TUB: variants seen among roughly 807,000 people sequenced by gnomAD.
The protein encoded by TUB is tubby protein homolog.
In TUB, 33 loss-of-function variants were observed where a neutral mutation model predicts 59.7. That is an observed-to-expected ratio of 0.55 (90% CI 0.42 to 0.74). The LOEUF (loss-of-function observed/expected upper bound fraction) is 0.74, where lower values mean the gene tolerates loss of function less well. TUB is among the 30% of genes least tolerant of loss of function. The probability of loss-of-function intolerance (pLI) is 0.00; values close to 1 mark genes in which losing one functional copy is unlikely to be tolerated. For synonymous variants in TUB, 293 were observed against 256.4 expected, an observed-to-expected ratio of 1.14 and a Z score of -1.36; for missense variants, 659 against 672.0, an observed-to-expected ratio of 0.98 and a Z score of 0.21.
rs1235966751 is a variant in TUB, at chr11:8,100,595, C to T, written c.1209C>T (p.Pro403=). The change falls in exon 10 of 12, where the codon CCC becomes CCT. Residue 403 remains proline, a synonymous_variant. Coordinates refer to ENST00000299506, the MANE Select transcript of TUB (RefSeq NM_177972.3). ...NMVHERVSIR[P]RNEHETLLAR... ...TTCATGAGAGAGTCTCTATCCGCCCCCGCAACGTGAGTGTCTACCCCTTCC... is the reference window on the plus strand; with the variant it reads ...TTCATGAGAGAGTCTCTATCCGCCCTCGCAACGTGAGTGTCTACCCCTTCC... 6 of 1,613,932 alleles carry T rather than the reference C, an allele frequency of 3.7e-6. No homozygotes were observed. The Admixed American group carries it at 5.0e-5, about 13-fold the overall frequency.
intron 2 of TUB, among the ~76,000 whole-genome samples, chr11:8,073,355 G>C (rs1434571970): frequency 1.3e-5 from 2 of 152,312 alleles, no homozygotes; most frequent in East Asian, 3.9e-4. Flanking sequence ...GATTCCTCTT[G>C]TTGGAGAGAT....
At chr11:8,041,047 GGAGTCAA>G (rs1160890746) in intron 2 of TUB, among the ~76,000 whole-genome samples, 1 of 152,184 alleles carries the variant, frequency 6.6e-6, no homozygotes, top group Non-Finnish European at 1.5e-5. Flanking sequence ...TCACTGTGTG[GGAGTCAA>G]GGGGCTTCTC....
chr11:8,096,657 A>C, intron 5 of TUB, 28 bp from the exon 6 acceptor site: 1 of 1,452,628 alleles, frequency 6.9e-7, no homozygotes, highest in Non-Finnish European at 9.7e-7. Context: ...CTCCTCCTTC[A>C]TCCCTTCTTC....
chr11:8,080,200 G>C (rs148893450), upstream of TUB, among the ~76,000 whole-genome samples: 93 of 152,322 alleles, frequency 6.1e-4, no homozygotes, highest in Middle Eastern at 0.01. Flanking sequence ...CTTCTGGCGC[G>C]GTTGGCGCGG....
At chr11:8,050,012 A>G (rs1377670343) in intron 2 of TUB, among the ~76,000 whole-genome samples, 2 of 152,152 alleles carry the variant, frequency 1.3e-5, no homozygotes, top group African/African-American at 4.8e-5. Flanking sequence ...ACCCTCCCAA[A>G]GTAGTGATCC....
At chr11:8,089,736 C>T (rs373116609) in intron 2 of TUB, 75 bp downstream of exon 2, 933 of 1,570,766 alleles carry the variant, frequency 5.9e-4, no homozygotes, top group Non-Finnish European at 7.6e-4. Flanking sequence ...CAGGGCTGTC[C>T]ATCTTCCCTG....
chr11:8,100,686 T>TA, intron 10 of TUB, 85 bp downstream of exon 10: 1 of 1,489,276 alleles, frequency 6.7e-7, no homozygotes, highest in South Asian at 1.1e-5. Context: ...AGCTGATGTG[T>TA]GTATGTGGAG....
At chr11:8,055,062 CAG>C (rs1234168203) in intron 2 of TUB, among the ~76,000 whole-genome samples, 2 of 152,122 alleles carry the variant, frequency 1.3e-5, no homozygotes, top group Non-Finnish European at 2.9e-5. Context: ...CTCAGCTAGA[CAG>C]AGAGGAGAGG....
rs1554933938 is a variant in TUB, at chr11:8,100,699, G to GA, written c.1215+98_1215+99insA. On this transcript the variant is annotated intron_variant, in intron 10 of 11. Coordinates refer to ENST00000299506, the MANE Select transcript of TUB (RefSeq NM_177972.3). ...CCAGCTGATGTGTGTATGTGGAGGG[G>GA]TACCATGTGAGAAAGCCCTGGAGGT... 14,065 of 1,520,140 alleles carry GA rather than the reference G, an allele frequency of 9.3e-3. 97 individuals carry two copies. The highest frequency in any genetic ancestry group is 0.018 in the South Asian group (1,545 of 88,242). 94.2% of individuals were successfully genotyped at this position (1,520,140 alleles called of 1,614,324 possible). A position where few individuals can be genotyped will look rare whatever the true frequency, so the allele number is the denominator to read the frequency against.
chr11:8,057,653 C>G (rs796910433), intron 2 of TUB, among the ~76,000 whole-genome samples: 9 of 152,066 alleles, frequency 5.9e-5, no homozygotes, highest in Admixed American at 2.0e-4. Context: ...TGCGAAGTCA[C>G]GGAGGTTTGG....
chr11:8,101,648 C>T lies in TUB; in HGVS notation c.*29C>T, dbSNP rs765399724. On this transcript the variant is annotated 3_prime_UTR_variant, in exon 12 of 12. Transcript: ENST00000299506. The stretch of plus-strand genomic sequence containing the variant: ...CCTCTTCGTGCCCTTTGGGGTTGCC[C>T]AGCCTGGAGCGGAGCTTGCCTGCCT... 6 of 1,611,990 alleles carry T rather than the reference C, an allele frequency of 3.7e-6. No homozygotes were observed. The highest frequency in any genetic ancestry group is 5.1e-6 in the Non-Finnish European group (6 of 1,179,048).
At chr11:8,087,935 T>C (rs74337389) in intron 1 of TUB, among the ~76,000 whole-genome samples, 4,201 of 152,318 alleles carry the variant, frequency 0.028, 211 homozygotes, top group African/African-American at 0.096. Flanking sequence ...TTTAGGGACC[T>C]GGTTGCATCC....
chr11:8,090,776 A>G (rs1943756406), intron 3 of TUB, among the ~76,000 whole-genome samples: 1 of 152,042 alleles, frequency 6.6e-6, no homozygotes, highest in Admixed American at 6.5e-5. Flanking sequence ...GTCTCGGCAG[A>G]GCCCAGTTGG....
upstream of TUB, among the ~76,000 whole-genome samples, chr11:8,038,106 T>C (rs1942678142): frequency 6.6e-6 from 1 of 152,114 alleles, no homozygotes; most frequent in South Asian, 2.1e-4. Flanking sequence ...GTGATGTCAC[T>C]CACAGAGACA....
intron 2 of TUB, among the ~76,000 whole-genome samples, chr11:8,045,446 T>C (rs1265560013): frequency 6.6e-6 from 1 of 152,232 alleles, no homozygotes; most frequent in Non-Finnish European, 1.5e-5. Flanking sequence ...TGTTTTGGAT[T>C]TTACAATGTT....
At chr11:8,063,139 C>T (rs1943166257) in intron 2 of TUB, among the ~76,000 whole-genome samples, 1 of 152,194 alleles carries the variant, frequency 6.6e-6, no homozygotes, top group South Asian at 2.1e-4. Context: ...ACAGCAGCCC[C>T]TGTCCAGCCA....
At chr11:8,082,934 CAGGCT>C (rs1943598308) in intron 1 of TUB, among the ~76,000 whole-genome samples, 4 of 152,208 alleles carry the variant, frequency 2.6e-5, no homozygotes, top group Non-Finnish European at 5.9e-5. Flanking sequence ...AGGTCACCCA[CAGGCT>C]CTCCTGCAGA....
chr11:8,091,041 G>A (rs373078256), intron 3 of TUB, among the ~76,000 whole-genome samples: 2 of 152,040 alleles, frequency 1.3e-5, no homozygotes, highest in African/African-American at 4.8e-5. Context: ...TGGCTTTTGC[G>A]GTTAGGAAGA....
chr11:8,100,695 A>G lies in TUB; in HGVS notation c.1215+94A>G, dbSNP rs376047770. The G allele has an allele frequency of 2.2e-4, 320 of 1,484,558 alleles. 1 individual carries two copies. The African/African-American group carries it at 3.5e-3, about 16-fold the overall frequency. 92.0% of individuals were successfully genotyped at this position (1,484,558 alleles called of 1,614,324 possible). A position where few individuals can be genotyped will look rare whatever the true frequency, so the allele number is the denominator to read the frequency against. ...AACTCCAGCTGATGTGTGTATGTGG[A>G]GGGGTACCATGTGAGAAAGCCCTGG... is the stretch of plus-strand genomic sequence containing the variant. On this transcript the variant is annotated intron_variant, in intron 10 of 11. Transcript: ENST00000299506.
Sources: gnomAD v4.1 joint callset for allele counts (sites outside exome capture counted in the v4.1 genomes callset) on GRCh38, gnomAD v4.1.1 for gene constraint, MANE v1.5 for transcripts, NCBI Gene and HGNC (gene_info 2026-07-23, HGNC 2026-07-21) for gene names.